Variants in ZNF567 observed in about 807,000 individuals in gnomAD.
ZNF567 encodes zinc finger protein 567.
A neutral mutation model predicts 53.9 loss-of-function variants in ZNF567; 36 were observed. That is an observed-to-expected ratio of 0.67 (90% CI 0.51 to 0.88). The LOEUF is 0.88. ZNF567 is among the 40% of genes least tolerant of loss of function. The probability of loss-of-function intolerance (pLI) is 0.00; values close to 1 mark genes in which losing one functional copy is unlikely to be tolerated. For missense variants in ZNF567, 619 were observed against 764.7 expected, an observed-to-expected ratio of 0.81 and a Z score of 2.25; for synonymous variants, 224 against 260.4, an observed-to-expected ratio of 0.86 and a Z score of 1.35.
chr19:36,673,713 C>A, the ZNF567 span, among the ~76,000 whole-genome samples: 1 of 152,142 alleles, frequency 6.6e-6, no homozygotes, highest in African/African-American at 2.4e-5. Flanking sequence ...CACACACACA[C>A]ACACCCTGTT....
At chr19:36,679,136 A>G in the ZNF567 span, among the ~76,000 whole-genome samples, 1 of 152,018 alleles carries the variant, frequency 6.6e-6, no homozygotes, top group Non-Finnish European at 1.5e-5. Context: ...AATACAAAAA[A>G]TTAACCAGGC....
intron 3 of ZNF567, among the ~76,000 whole-genome samples, chr19:36,709,635 G>A (rs1259020522): frequency 2.0e-5 from 3 of 151,692 alleles, no homozygotes; most frequent in African/African-American, 7.3e-5. Context: ...CAGCCTATTA[G>A]CATTTTTGAT....
chr19:36,723,230 C>T, downstream of ZNF567: 1 of 702,898 alleles, frequency 1.4e-6, no homozygotes. Flanking sequence ...CTAGCGTCAA[C>T]CCACCAAAGA....
chr19:36,680,530 C>T, the ZNF567 span, among the ~76,000 whole-genome samples: 2 of 152,150 alleles, frequency 1.3e-5, no homozygotes, highest in African/African-American at 4.8e-5. Flanking sequence ...AGGGTTGTGC[C>T]GGTTTGTTTT....
chr19:36,721,901 C>T (rs1045564938), downstream of ZNF567, among the ~76,000 whole-genome samples: 7 of 151,964 alleles, frequency 4.6e-5, no homozygotes, highest in South Asian at 2.1e-4. Flanking sequence ...TGTGCCATCA[C>T]GCCCAGCTAA....
In ZNF567 at chr19:36,719,794, G is replaced by T. The variant is rs1271958391; in HGVS notation, c.1070G>T (p.Arg357Ile). ...AAGTCACACCTCATTCGTCATCAGA[G>T]AACTCACACGGGAGAGAAACCATAT... Reference protein sequence around the residue: ...RLKSHLIRHQRTHTGEKPYEC... With the variant: ...RLKSHLIRHQITHTGEKPYEC... Residue 357 changes from arginine to isoleucine, a missense_variant, in exon 6 of 6, where the codon AGA becomes ATA. Transcript: ENST00000682579. 2.5e-6 allele frequency: 4 copies of T among 1,614,064 alleles called. No individual in the cohort carries two copies. Among genetic ancestry groups the T allele is most frequent in the African/African-American group, 1.3e-5 (1 of 74,924 alleles).
At chr19:36,716,761 A>C (rs1320765357) in intron 5 of ZNF567, among the ~76,000 whole-genome samples, 1 of 152,200 alleles carries the variant, frequency 6.6e-6, no homozygotes, top group Non-Finnish European at 1.5e-5. Context: ...CTGTGTCCCT[A>C]CAGATTGTGC....
At chr19:36,681,046 C>T in the ZNF567 span, among the ~76,000 whole-genome samples, 2 of 152,134 alleles carry the variant, frequency 1.3e-5, no homozygotes, top group South Asian at 2.1e-4. Flanking sequence ...ATCAGTCAGC[C>T]GACTATATCC....
At chr19:36,667,871 G>A in the ZNF567 span, among the ~76,000 whole-genome samples, 1 of 151,712 alleles carries the variant, frequency 6.6e-6, no homozygotes, top group Non-Finnish European at 1.5e-5. Flanking sequence ...GGATGGTCTC[G>A]ATCTCCTGAC....
At chr19:36,702,620 G>A (rs532609920) in intron 3 of ZNF567, among the ~76,000 whole-genome samples, 9 of 152,146 alleles carry the variant, frequency 5.9e-5, no homozygotes, top group South Asian at 2.1e-4. Flanking sequence ...GGCTTTGTTC[G>A]TTTCTTTTTA....
chr19:36,718,505 A>T (rs961617526), intron 5 of ZNF567, among the ~76,000 whole-genome samples: 20 of 152,218 alleles, frequency 1.3e-4, no homozygotes, highest in South Asian at 4.1e-4. Context: ...TCTCAAAAAA[A>T]AATAATAATA....
chr19:36,694,974 C>T, intron 3 of ZNF567, 98 bp downstream of exon 3: 3 of 1,321,674 alleles, frequency 2.3e-6, no homozygotes, highest in Non-Finnish European at 3.0e-6. Flanking sequence ...ATCCTCCTAC[C>T]TATCTTTCCC....
chr19:36,678,625 A>AGGAGATTGAGGTCAGGAGAT, the ZNF567 span, among the ~76,000 whole-genome samples: 2 of 151,896 alleles, frequency 1.3e-5, no homozygotes, highest in Non-Finnish European at 2.9e-5. Flanking sequence ...TGGGTGGATC[A>AGGAGATTGAGGTCAGGAGAT]TGAGGTCAGG....
rs529188903 is a variant in ZNF567 at position 36,690,234 on chromosome 19, A to G, written c.-67+737A>G. On this transcript the variant is annotated intron_variant, in intron 2 of 5. Transcript: ENST00000682579. Reference sequence around the variant, plus strand: ...AGACTTATTTACAGTGGTCATCAAAAATAAGAGATACAAAGGAAGTGACTT... The same window carrying G: ...AGACTTATTTACAGTGGTCATCAAAGATAAGAGATACAAAGGAAGTGACTT... Among the ~76,000 whole-genome samples, 5 of 152,350 alleles carry G rather than the reference A, an allele frequency of 3.3e-5. No individual in the cohort carries two copies. In the South Asian group the frequency reaches 1.0e-3, roughly 32 times the overall value.
intron 5 of ZNF567, among the ~76,000 whole-genome samples, chr19:36,713,140 A>G (rs1395868322): frequency 4.6e-5 from 7 of 151,884 alleles, no homozygotes; most frequent in Non-Finnish European, 7.4e-5. Flanking sequence ...AGACCCCATC[A>G]CTACAAAAAG....
chr19:36,716,741 C>G (rs1197993249), intron 5 of ZNF567, among the ~76,000 whole-genome samples: 1 of 152,166 alleles, frequency 6.6e-6, no homozygotes, highest in Non-Finnish European at 1.5e-5. Flanking sequence ...TTTAGATGTA[C>G]CTACTCATGC....
Position 36,719,421 on chromosome 19 carries a change from A to C in ZNF567, c.697A>C (p.Lys233Gln). Residue 233 changes from lysine (K) to glutamine (Q), a missense_variant, in exon 6 of 6, where the codon AAA (lysine) becomes CAA (glutamine). Coordinates refer to ENST00000682579, the MANE Select transcript of ZNF567 (RefSeq NM_001322917.1). Reference protein sequence around the residue: ...GGLITHSRPYKGENPSVYNKK... With the variant: ...GGLITHSRPYQGENPSVYNKK... ...CCTGATTACACATAGTAGACCTTACAAAGGAGAAAACCCATCTGTATATAA... is the reference window on the plus strand; with the variant it reads ...CCTGATTACACATAGTAGACCTTACCAAGGAGAAAACCCATCTGTATATAA... 1.2e-6 allele frequency: 2 copies of C among 1,613,576 alleles called. No homozygotes were observed. The highest frequency in any genetic ancestry group is 1.7e-6 in the Non-Finnish European group (2 of 1,179,874).
chr19:36,705,553 C>T, intron 3 of ZNF567, among the ~76,000 whole-genome samples: 1 of 152,150 alleles, frequency 6.6e-6, no homozygotes, highest in East Asian at 1.9e-4. Flanking sequence ...TATATGATGT[C>T]TTCCTAAATT....
the ZNF567 span, chr19:36,669,471 AGT>A: frequency 6.6e-6 from 1 of 152,228 alleles, no homozygotes; most frequent in Non-Finnish European, 1.5e-5. Context: ...GATACGTTAC[AGT>A]GGGGAAAATA....
Sources: allele counts gnomAD v4.1 joint callset (sites outside exome capture counted in the v4.1 genomes callset), GRCh38; gene constraint gnomAD v4.1.1; transcripts MANE v1.5; gene names NCBI Gene and HGNC (gene_info 2026-07-23, HGNC 2026-07-21).